IL19: variants seen among roughly 807,000 people sequenced by gnomAD.
IL19 encodes the protein interleukin-19.
Under a neutral mutation model 19.5 loss-of-function variants are expected in IL19, and 15 were observed. The observed-to-expected ratio is 0.77, with a 90% confidence interval of 0.52 to 1.19. The LOEUF (loss-of-function observed/expected upper bound fraction) is 1.19. Among genes scored for constraint, IL19 ranks in the 50% most tolerant of loss-of-function variants. The pLI is 0.00. For missense variants in IL19, 199 were observed against 213.1 expected, an observed-to-expected ratio of 0.93 and a Z score of 0.41; for synonymous variants, 78 against 78.3, an observed-to-expected ratio of 1.00 and a Z score of 0.02.
At chr1:206,823,906 A>G (rs1378333526) in intron 2 of IL19, among the ~76,000 whole-genome samples, 1 of 152,186 alleles carries the variant, frequency 6.6e-6, no homozygotes, top group Non-Finnish European at 1.5e-5. Flanking sequence ...GCTCAAAGCC[A>G]TGGGGGTGGA....
chr1:206,839,091 G>A (rs922705304), intron 4 of IL19, among the ~76,000 whole-genome samples: 3 of 152,228 alleles, frequency 2.0e-5, no homozygotes, highest in African/African-American at 7.2e-5. Flanking sequence ...GGCTCTCAGG[G>A]CAGATGGCGG....
chr1:206,776,909 C>CA (rs1186364224), intron 1 of IL19, among the ~76,000 whole-genome samples: 3,666 of 50,446 alleles, frequency 0.073, 439 homozygotes, highest in East Asian at 0.53. Flanking sequence ...CTTGCAACTA[C>CA]AAAAAAAAAA....
intron 1 of IL19, among the ~76,000 whole-genome samples, chr1:206,777,737 G>A (rs1429639777): frequency 1.3e-5 from 2 of 152,242 alleles, no homozygotes; most frequent in Non-Finnish European, 2.9e-5. Flanking sequence ...AAGCCCCTCC[G>A]GGCTTGACTC....
intron 1 of IL19, among the ~76,000 whole-genome samples, chr1:206,798,117 G>T (rs982583277): frequency 6.6e-6 from 1 of 152,206 alleles, no homozygotes; most frequent in African/African-American, 2.4e-5. Flanking sequence ...ACATTCCCCA[G>T]ACCTCTTGCT....
At chr1:206,785,958 T>A (rs1288845950) in intron 1 of IL19, among the ~76,000 whole-genome samples, 1 of 151,296 alleles carries the variant, frequency 6.6e-6, no homozygotes, top group African/African-American at 2.4e-5. Context: ...ATATATCTGG[T>A]CAAAGGGGTC....
At position 206,836,720 on chromosome 1, in the gene IL19, G is replaced by C. The variant is rs763138491; in HGVS notation, c.58G>C (p.Val20Leu). The C allele has an allele frequency of 6.2e-7, 1 of 1,613,810 alleles. No homozygotes were observed. The highest frequency in any genetic ancestry group is 1.1e-5 in the South Asian group (1 of 91,062). ...LLGTILILCSVDNHGLRRCLI... is the reference protein window; with the variant it reads ...LLGTILILCSLDNHGLRRCLI... ...GGGTACAATACTGATATTGTGCTCA[G>C]TAGACAACCACGGTCTCAGGAGATG... Residue 20 changes from valine to leucine, a missense_variant, in exon 3 of 7, where the codon GTA (valine) becomes CTA (leucine). Coordinates refer to ENST00000659997, the MANE Select transcript of IL19 (RefSeq NM_153758.5).
In IL19 at chr1:206,827,700, C is replaced by T. The variant is rs200506115; in HGVS notation, c.-2-8961C>T. 2.0e-4 allele frequency among the ~76,000 whole-genome samples: 7 copies of T among 34,206 alleles called. 1 individual carries two copies. In the East Asian group the frequency reaches 3.9e-3, roughly 19 times the overall value. 22.4% of individuals were successfully genotyped at this position (34,206 alleles called of 152,430 possible). On this transcript the variant is annotated intron_variant, in intron 2 of 6. Coordinates refer to ENST00000659997, the MANE Select transcript of IL19 (RefSeq NM_153758.5). ...CGAGACTCCGTCTCAAAAAACAAAA[C>T]AAAACAAAACAAAAAAAACAAAAAG...
chr1:206,820,772 G>A (rs1676272378), intron 2 of IL19, among the ~76,000 whole-genome samples: 1 of 152,206 alleles, frequency 6.6e-6, no homozygotes, highest in South Asian at 2.1e-4. Flanking sequence ...AACTCTGAGA[G>A]TCTTGTCAGC....
At chr1:206,811,954 C>T (rs1367249960) in intron 2 of IL19, among the ~76,000 whole-genome samples, 2 of 152,194 alleles carry the variant, frequency 1.3e-5, no homozygotes, top group East Asian at 1.9e-4. Context: ...AACATTTCTT[C>T]TGATCAAGAA....
At chr1:206,835,759 T>A (rs573599661) in intron 2 of IL19, among the ~76,000 whole-genome samples, 38 of 152,350 alleles carry the variant, frequency 2.5e-4, no homozygotes, top group African/African-American at 8.9e-4. Context: ...AAGGCTAAGC[T>A]CTATTTATAA....
At chr1:206,821,405 A>G (rs1158691522) in intron 2 of IL19, among the ~76,000 whole-genome samples, 1 of 152,208 alleles carries the variant, frequency 6.6e-6, no homozygotes, top group Non-Finnish European at 1.5e-5. Context: ...TGTTGTTGCT[A>G]TTATCATTGT....
chr1:206,834,263 C>T (rs1050192582), intron 2 of IL19: 1 of 985,434 alleles, frequency 1.0e-6, no homozygotes, highest in African/African-American at 1.7e-5. Context: ...AAAAAACAAT[C>T]TCCCCAAGGT....
chr1:206,827,190 T>TA (rs1002325733), intron 2 of IL19, among the ~76,000 whole-genome samples: 18 of 151,946 alleles, frequency 1.2e-4, no homozygotes, highest in African/African-American at 2.2e-4. Flanking sequence ...AAAATAACAG[T>TA]AAAAAAAAGT....
At position 206,839,973 on chromosome 1, in the gene IL19, C is replaced by T. The variant is rs761582075; in HGVS notation, c.334C>T (p.Leu112Phe). Residue 112 changes from leucine (L) to phenylalanine (F), a missense_variant, in exon 5 of 7, where the codon CTC becomes TTC. Coordinates refer to ENST00000659997, the MANE Select transcript of IL19 (RefSeq NM_153758.5). ...AATCAGCAGCATTGCCAACTCTTTC[C>T]TCTACATGCAGAAAACTCTGCGGCA... Reference protein sequence around the residue: ...RKISSIANSFLYMQKTLRQCQ... With the variant: ...RKISSIANSFFYMQKTLRQCQ... The T allele has an allele frequency of 1.3e-5, 21 of 1,614,098 alleles. No homozygotes were observed. Among genetic ancestry groups the T allele is most frequent in the African/African-American group, 4.0e-5 (3 of 74,930 alleles).
At chr1:206,779,050 G>A (rs1179146589) in intron 1 of IL19, among the ~76,000 whole-genome samples, 1 of 152,132 alleles carries the variant, frequency 6.6e-6, no homozygotes, top group Non-Finnish European at 1.5e-5. Flanking sequence ...GTGGCCTTTG[G>A]AACACCAAGC....
intron 2 of IL19, among the ~76,000 whole-genome samples, chr1:206,807,549 C>A (rs1675878973): frequency 6.6e-6 from 1 of 152,204 alleles, no homozygotes; most frequent in Admixed American, 6.6e-5. Context: ...CATTACATCT[C>A]AGCTTACTTA....
chr1:206,826,387 G>A (rs528582901), intron 2 of IL19, among the ~76,000 whole-genome samples: 3 of 152,336 alleles, frequency 2.0e-5, no homozygotes, highest in Admixed American at 6.5e-5. Flanking sequence ...CTGGCTTTCT[G>A]AAAGGACAGG....
intron 2 of IL19, among the ~76,000 whole-genome samples, chr1:206,814,488 C>T (rs189857470): frequency 8.8e-5 from 13 of 147,846 alleles, no homozygotes; most frequent in Non-Finnish European, 1.6e-4. Flanking sequence ...GCCAGGCATT[C>T]GAGATCAGCC....
In IL19 at chr1:206,813,451, G is replaced by A. The variant is rs541869293; in HGVS notation, c.-3+14445G>A. Reference sequence around the variant, plus strand: ...AATCAGCTTCAGCATGTGTCCCTTGGGGACACCAGCAATAGCCAGCCAGTG... The same window carrying A: ...AATCAGCTTCAGCATGTGTCCCTTGAGGACACCAGCAATAGCCAGCCAGTG... On this transcript the variant is annotated intron_variant, in intron 2 of 6. Transcript: ENST00000659997. Among the ~76,000 whole-genome samples, 18 of 152,112 alleles carry A rather than the reference G, an allele frequency of 1.2e-4. No individual in the cohort carries two copies. The East Asian group carries it at 1.9e-3, about 16-fold the overall frequency.
Sources: gnomAD v4.1 joint callset for allele counts (sites outside exome capture counted in the v4.1 genomes callset) on GRCh38, gnomAD v4.1.1 for gene constraint, MANE v1.5 for transcripts, NCBI Gene and HGNC (gene_info 2026-07-23, HGNC 2026-07-21) for gene names.